LTBP2: variants seen among roughly 807,000 people sequenced by gnomAD.
LTBP2 encodes latent-transforming growth factor beta-binding protein 2.
LTBP2 carries 103 observed loss-of-function variants against 210.6 expected under a neutral mutation model. That is an observed-to-expected ratio of 0.49 (90% CI 0.42 to 0.58). The LOEUF is 0.58. Ranked by LOEUF, LTBP2 falls within the 20% of genes least tolerant of loss-of-function variation. The probability of loss-of-function intolerance (pLI) is 0.00; values close to 1 mark genes in which losing one functional copy is unlikely to be tolerated. For synonymous variants in LTBP2, 1,007 were observed against 1,015.0 expected (o/e 0.99, Z 0.15); for missense variants, 2,313 against 2,494.5 (o/e 0.93, Z 1.55).
intron 35 of LTBP2, 133 bp from the exon 36 acceptor site, chr14:74,501,162 A>G (rs2086905662): frequency 1.7e-6 from 2 of 1,178,476 alleles, no homozygotes; most frequent in Non-Finnish European, 1.2e-6. Context: ...GGCTGAAGTC[A>G]CTTCCCAAAA....
At chr14:74,532,580 G>A (rs774753875) in intron 9 of LTBP2, 32 bp from the exon 10 acceptor site, 19 of 1,612,024 alleles carry the variant, frequency 1.2e-5, no homozygotes, top group Admixed American at 5.0e-5. Context: ...CCAAGTGCCC[G>A]CCCCACGGAG....
rs1042021990 is a variant in LTBP2, at chr14:74,527,238, T to C, written c.2388+109A>G. On this transcript the variant is annotated intron_variant, in intron 13 of 35. Coordinates refer to ENST00000261978, the MANE Select transcript of LTBP2 (RefSeq NM_000428.3). ...CAAGTAAAATCTAACAGATACTCCA[T>C]CTTTCTCCCTCTCCCTCCCTCATGA... 4.4e-6 allele frequency: 6 copies of C among 1,353,798 alleles called. No homozygotes were observed. In the African/African-American group the frequency reaches 8.6e-5, roughly 19 times the overall value. 83.9% of individuals were successfully genotyped at this position (1,353,798 alleles called of 1,614,324 possible). A position where few individuals can be genotyped will look rare whatever the true frequency, so the allele number is the denominator to read the frequency against.
Position 74,559,394 on chromosome 14 carries a change from G to A in LTBP2, c.831-3701C>T, listed in dbSNP as rs117404048. ...AAAAGCCCTGCATTCTGAGAGGCTC[G>A]TCGTGGAGTAAAGGAAGAAGCTCCC... On this transcript the variant is annotated intron_variant, in intron 3 of 35. Coordinates refer to ENST00000261978, the MANE Select transcript of LTBP2 (RefSeq NM_000428.3). 6.3e-3 allele frequency among the ~76,000 whole-genome samples: 963 copies of A among 152,294 alleles called. 4 individuals are homozygous for A. The highest frequency in any genetic ancestry group is 9.9e-3 in the Non-Finnish European group (676 of 68,024).
intron 3 of LTBP2, among the ~76,000 whole-genome samples, chr14:74,570,372 C>G (rs1023493229): frequency 6.6e-6 from 1 of 152,124 alleles, no homozygotes; most frequent in African/African-American, 2.4e-5. Context: ...TGTGTTTACC[C>G]CACTCGTGGG....
chr14:74,549,121 C>T (rs2139743210), intron 8 of LTBP2, among the ~76,000 whole-genome samples: 1 of 152,350 alleles, frequency 6.6e-6, no homozygotes, highest in South Asian at 2.1e-4. Context: ...CAGGCTCAGG[C>T]CCAGGCCCAG....
intron 3 of LTBP2, among the ~76,000 whole-genome samples, chr14:74,569,081 C>T (rs1011980106): frequency 6.0e-5 from 9 of 151,078 alleles, no homozygotes; most frequent in South Asian, 2.1e-4. Context: ...CATGTCAAAC[C>T]GCTGGATGTG....
intron 7 of LTBP2, 45 bp downstream of exon 7, chr14:74,551,019 C>A: frequency 6.2e-7 from 1 of 1,611,560 alleles, no homozygotes; most frequent in Non-Finnish European, 8.5e-7. Flanking sequence ...GGGACAACTG[C>A]CATCCTGGAA....
chr14:74,502,274 C>T (rs1370170308), intron 34 of LTBP2, among the ~76,000 whole-genome samples: 4 of 152,146 alleles, frequency 2.6e-5, no homozygotes, highest in Non-Finnish European at 4.4e-5. Context: ...CCTTAATCCA[C>T]ACTTCAGGTC....
intron 3 of LTBP2, among the ~76,000 whole-genome samples, chr14:74,572,354 C>T (rs1289489967): frequency 6.7e-6 from 1 of 148,966 alleles, no homozygotes; most frequent in East Asian, 2.0e-4. Flanking sequence ...TGTGTGTGTG[C>T]ATGCGCCATG....
intron 3 of LTBP2, among the ~76,000 whole-genome samples, chr14:74,563,577 G>A (rs2087824792): frequency 6.6e-6 from 1 of 152,082 alleles, no homozygotes; most frequent in Non-Finnish European, 1.5e-5. Flanking sequence ...GACTGTTTTT[G>A]TACAGACTAT....
chr14:74,529,072 G>A lies in LTBP2; in HGVS notation c.2038C>T (p.Pro680Ser). 4 of 1,558,776 alleles carry A rather than the reference G, an allele frequency of 2.6e-6. No homozygotes were observed. The highest frequency in any genetic ancestry group is 2.6e-6 in the Non-Finnish European group (3 of 1,151,266). Residue 680 changes from proline to serine, a missense_variant, in exon 11 of 36, where the codon CCC (proline) becomes TCC (serine). By Grantham distance (74) the Pro-to-Ser change is moderately conservative. Around this residue, in one of 3 missense-constraint regions of LTBP2, gnomAD observed 1,867 missense variants for 1,976.9 expected, o/e 0.94. Coordinates refer to ENST00000261978, the MANE Select transcript of LTBP2 (RefSeq NM_000428.3). ...LQGLCYRSLG[P>S]GTCTLPLAQR... ...GCCAAAGGCAGGGTGCAGGTGCCGG[G>A]CCCCAGCGACCGGTAGCACAGTCCC... is the stretch of plus-strand genomic sequence containing the variant.
intron 2 of LTBP2, among the ~76,000 whole-genome samples, chr14:74,590,375 T>C (rs778785754): frequency 2.0e-5 from 3 of 152,172 alleles, no homozygotes; most frequent in Non-Finnish European, 4.4e-5. Flanking sequence ...TGCAAAGATA[T>C]GGAACCAACT....
chr14:74,593,854 GAAAGGGCAAT>G (rs1217926683), intron 2 of LTBP2, among the ~76,000 whole-genome samples: 1 of 152,018 alleles, frequency 6.6e-6, no homozygotes, highest in Non-Finnish European at 1.5e-5. Context: ...CTTTCCCCAG[GAAAGGGCAAT>G]GTCAACTCAG....
At chr14:74,501,671 G>T in intron 34 of LTBP2, 81 bp from the exon 35 acceptor site, 1 of 1,575,560 alleles carries the variant, frequency 6.3e-7, no homozygotes, top group African/African-American at 1.3e-5. Context: ...TCGCCCTTCT[G>T]GACAAAGGGT....
At chr14:74,541,609 C>T (rs891717419) in intron 8 of LTBP2, among the ~76,000 whole-genome samples, 1 of 152,130 alleles carries the variant, frequency 6.6e-6, no homozygotes, top group Non-Finnish European at 1.5e-5. Context: ...ATTCTCCCCA[C>T]TGCCTCCAAA....
chr14:74,507,423 T>C (rs2087006158), intron 25 of LTBP2, 113 bp from the exon 26 acceptor site: 3 of 1,429,898 alleles, frequency 2.1e-6, no homozygotes, highest in Non-Finnish European at 3.0e-6. Flanking sequence ...CAAATTACTG[T>C]GCTCATCCCA....
intron 3 of LTBP2, among the ~76,000 whole-genome samples, chr14:74,582,387 CACACATACAT>C (rs1369347123): frequency 1.2e-3 from 139 of 111,798 alleles, no homozygotes; most frequent in Admixed American, 2.2e-3. Flanking sequence ...CATGCACACA[CACACATACAT>C]ACACACACAC....
intron 2 of LTBP2, among the ~76,000 whole-genome samples, chr14:74,594,410 G>A (rs1451836054): frequency 6.6e-6 from 1 of 152,120 alleles, no homozygotes; most frequent in Non-Finnish European, 1.5e-5. Flanking sequence ...CAGACTCTGG[G>A]CCCAGCCCCC....
chr14:74,605,794 T>G (rs1165034033), intron 1 of LTBP2, among the ~76,000 whole-genome samples: 2 of 152,080 alleles, frequency 1.3e-5, no homozygotes, highest in Non-Finnish European at 2.9e-5. Flanking sequence ...GGGCCAACCT[T>G]GCTTTGCCTG....
Sources: allele counts gnomAD v4.1 joint callset (sites outside exome capture counted in the v4.1 genomes callset), GRCh38; gene constraint gnomAD v4.1.1; regional missense constraint gnomAD v4.1.1; transcripts MANE v1.5; gene names NCBI Gene and HGNC (gene_info 2026-07-23, HGNC 2026-07-21).